HPSE2: variants seen among roughly 807,000 people sequenced by gnomAD.
HPSE2 encodes the protein heparanase 2 (inactive), also known as inactive heparanase-2.
A neutral mutation model predicts 60.5 loss-of-function variants in HPSE2; 38 were observed. The ratio of observed to expected loss-of-function variants is 0.63; its 90% CI spans 0.48 to 0.82. HPSE2 has a LOEUF of 0.82. Among genes scored for constraint, HPSE2 ranks in the 40% least tolerant of loss-of-function variants. The pLI is 0.00. For missense variants in HPSE2, 713 were observed against 740.4 expected (o/e 0.96, Z 0.43); for synonymous variants, 295 against 293.2 (o/e 1.01, Z -0.06).
At chr10:99,210,266 C>A (rs973649400) in intron 2 of HPSE2, among the ~76,000 whole-genome samples, 1 of 152,094 alleles carries the variant, frequency 6.6e-6, no homozygotes, top group Non-Finnish European at 1.5e-5. Flanking sequence ...ACTAAGGAGA[C>A]TGAATCAGAA....
At chr10:98,986,035 T>A (rs2135319098) in intron 3 of HPSE2, among the ~76,000 whole-genome samples, 1 of 152,152 alleles carries the variant, frequency 6.6e-6, no homozygotes, top group African/African-American at 2.4e-5. Context: ...TCCCACACAA[T>A]AATAATGGGA....
chr10:99,057,005 T>C (rs1027557240), intron 3 of HPSE2, among the ~76,000 whole-genome samples: 1 of 152,122 alleles, frequency 6.6e-6, no homozygotes, highest in Non-Finnish European at 1.5e-5. Context: ...ATGAAGTATA[T>C]GAACAGGTGA....
At chr10:98,895,635 T>C (rs536843580) in intron 3 of HPSE2, among the ~76,000 whole-genome samples, 4 of 152,164 alleles carry the variant, frequency 2.6e-5, no homozygotes, top group South Asian at 2.1e-4. Flanking sequence ...CTCATGCACA[T>C]GTATGTTTAT....
At chr10:99,062,734 G>C (rs1842487085) in intron 3 of HPSE2, among the ~76,000 whole-genome samples, 3 of 152,148 alleles carry the variant, frequency 2.0e-5, no homozygotes, top group South Asian at 4.2e-4. Flanking sequence ...TGTGAGCCAA[G>C]AGCCATAAAA....
chr10:99,057,220 G>C (rs568535818), intron 3 of HPSE2, among the ~76,000 whole-genome samples: 53 of 152,154 alleles, frequency 3.5e-4, no homozygotes, highest in African/African-American at 1.2e-3. Context: ...ATTTTTTAAA[G>C]TTACAATATG....
intron 3 of HPSE2, among the ~76,000 whole-genome samples, chr10:99,027,910 A>G (rs1295193012): frequency 6.6e-6 from 1 of 152,226 alleles, no homozygotes. Flanking sequence ...TAAAAACCAC[A>G]TGATCATTTC....
rs190511296 is a variant in HPSE2 at position 98,931,596 on chromosome 10, G to A, written c.611-187540C>T. Among the ~76,000 whole-genome samples, 425 of 144,068 alleles carry A rather than the reference G, an allele frequency of 2.9e-3. 23 individuals are homozygous for A. The highest frequency in any genetic ancestry group is 3.5e-3 in the Non-Finnish European group (236 of 67,112). 94.5% of individuals were successfully genotyped at this position (144,068 alleles called of 152,430 possible). A position where few individuals can be genotyped will look rare whatever the true frequency, so the allele number is the denominator to read the frequency against. ...TCACAATATTGATTCTTCCTATCCA[G>A]GAGCACGGAATGTTTTTCTATCTGC... On this transcript the variant is annotated intron_variant, in intron 3 of 11. Transcript: ENST00000370552.
intron 9 of HPSE2, among the ~76,000 whole-genome samples, chr10:98,579,904 C>A (rs1470405508): frequency 6.6e-6 from 1 of 152,186 alleles, no homozygotes. Context: ...GCCCAGAAAG[C>A]CTTCCTCCTG....
chr10:98,803,242 T>C (rs373190708), intron 3 of HPSE2, among the ~76,000 whole-genome samples: 27 of 150,554 alleles, frequency 1.8e-4, no homozygotes, highest in African/African-American at 5.9e-4. Flanking sequence ...GATGAGTAGG[T>C]TGCAAAAATT....
intron 3 of HPSE2, among the ~76,000 whole-genome samples, chr10:98,960,068 G>C (rs1955612422): frequency 6.6e-6 from 1 of 152,090 alleles, no homozygotes; most frequent in Non-Finnish European, 1.5e-5. Flanking sequence ...CTAAAATCTG[G>C]ACTGTTGATT....
chr10:98,635,691 A>G (rs1946478584), intron 7 of HPSE2, among the ~76,000 whole-genome samples: 1 of 151,332 alleles, frequency 6.6e-6, no homozygotes, highest in Non-Finnish European at 1.5e-5. Flanking sequence ...CTGAAGCAGG[A>G]GGAGCGCTTG....
chr10:98,820,824 A>G (rs1951406841), intron 3 of HPSE2, among the ~76,000 whole-genome samples: 2 of 152,328 alleles, frequency 1.3e-5, no homozygotes, highest in African/African-American at 4.8e-5. Flanking sequence ...AGAGATAATC[A>G]CGAACTCTAC....
At chr10:99,000,830 T>A (rs1229201928) in intron 3 of HPSE2, among the ~76,000 whole-genome samples, 3 of 152,152 alleles carry the variant, frequency 2.0e-5, no homozygotes, top group Admixed American at 1.3e-4. Context: ...ATTTTAATTT[T>A]TATTTTTATA....
At chr10:98,822,071 A>C (rs950808422) in intron 3 of HPSE2, among the ~76,000 whole-genome samples, 10 of 152,188 alleles carry the variant, frequency 6.6e-5, no homozygotes, top group African/African-American at 2.4e-4. Flanking sequence ...ATGTCTTTTA[A>C]AAACCTTACT....
At chr10:98,943,809 T>TC (rs916365432) in intron 3 of HPSE2, among the ~76,000 whole-genome samples, 24 of 152,066 alleles carry the variant, frequency 1.6e-4, no homozygotes, top group African/African-American at 5.8e-4. Flanking sequence ...AAATGTATCC[T>TC]CCCCAAATTG....
At chr10:98,465,089 C>T (rs1352576369) in intron 11 of HPSE2, among the ~76,000 whole-genome samples, 1 of 152,198 alleles carries the variant, frequency 6.6e-6, no homozygotes, top group Non-Finnish European at 1.5e-5. Flanking sequence ...TTATCACTTC[C>T]ATTCTATTCT....
intron 3 of HPSE2, among the ~76,000 whole-genome samples, chr10:98,747,041 G>A (rs568292876): frequency 6.6e-6 from 1 of 151,874 alleles, no homozygotes; most frequent in South Asian, 2.1e-4. Context: ...TTATCCAGAA[G>A]TTTCCTTGAG....
At chr10:98,933,732 T>C (rs1954707737) in intron 3 of HPSE2, among the ~76,000 whole-genome samples, 1 of 141,326 alleles carries the variant, frequency 7.1e-6, no homozygotes, top group Admixed American at 7.0e-5. Flanking sequence ...TTTTTCTTTT[T>C]CTTTTCTTTT....
intron 4 of HPSE2, among the ~76,000 whole-genome samples, chr10:98,732,747 T>G (rs1033500754): frequency 2.6e-5 from 4 of 152,186 alleles, no homozygotes; most frequent in African/African-American, 9.6e-5. Flanking sequence ...ACCAAAAGCA[T>G]AATCCATAAA....
Sources: gnomAD v4.1 joint callset for allele counts (sites outside exome capture counted in the v4.1 genomes callset) on GRCh38, gnomAD v4.1.1 for gene constraint, MANE v1.5 for transcripts, NCBI Gene and HGNC (gene_info 2026-07-23, HGNC 2026-07-21) for gene names.